FGF12: variants seen among roughly 807,000 people sequenced by gnomAD.
The protein encoded by FGF12 is fibroblast growth factor 12.
Under a neutral mutation model 23.6 loss-of-function variants are expected in FGF12, and 14 were observed. The ratio of observed to expected loss-of-function variants is 0.59; its 90% CI spans 0.39 to 0.93. The LOEUF (loss-of-function observed/expected upper bound fraction) is 0.93, where lower values mean the gene tolerates loss of function less well. Among genes scored for constraint, FGF12 ranks in the 40% least tolerant of loss-of-function variants. The pLI, the probability that FGF12 is intolerant of heterozygous loss-of-function variation, is 0.00. For missense variants in FGF12, 175 were observed against 217.8 expected, an observed-to-expected ratio of 0.80 and a Z score of 1.24; for synonymous variants, 62 against 77.3, an observed-to-expected ratio of 0.80 and a Z score of 1.04.
chr3:192,499,932 A>G lies in FGF12; in HGVS notation c.14-139394T>C, dbSNP rs544747246. On this transcript the variant is annotated intron_variant, in intron 2 of 5. Coordinates refer to ENST00000445105, the MANE Select transcript of FGF12 (RefSeq NM_004113.6). ...GCTCTGTAACCTTCATTAGAAAGTT[A>G]CAACCCAGGTATTATTTTATTCTTC... Among the ~76,000 whole-genome samples the G allele has an allele frequency of 5.9e-5, 9 of 152,270 alleles. No homozygotes were observed. The South Asian group carries it at 1.5e-3, about 25-fold the overall frequency.
At chr3:192,518,150 T>G (rs757674959) in intron 2 of FGF12, among the ~76,000 whole-genome samples, 5 of 152,198 alleles carry the variant, frequency 3.3e-5, no homozygotes, top group African/African-American at 4.8e-5. Context: ...TACCCAAATT[T>G]TAAATTATGT....
chr3:192,386,600 G>A (rs991325293), intron 2 of FGF12, among the ~76,000 whole-genome samples: 2 of 152,118 alleles, frequency 1.3e-5, no homozygotes, highest in African/African-American at 4.8e-5. Flanking sequence ...GAGTATGAAA[G>A]TTAAAGGAAG....
intron 4 of FGF12, among the ~76,000 whole-genome samples, chr3:192,197,942 T>A (rs1257872168): frequency 1.4e-4 from 4 of 29,470 alleles, no homozygotes; most frequent in Admixed American, 4.7e-4. Context: ...GCGAAATTCC[T>A]CCTCAAAAAA....
intron 2 of FGF12, among the ~76,000 whole-genome samples, chr3:192,559,804 G>A (rs1257628051): frequency 6.7e-6 from 1 of 149,350 alleles, no homozygotes; most frequent in African/African-American, 2.5e-5. Flanking sequence ...ATTTTACTGG[G>A]AACCTAAAAC....
At chr3:192,492,339 A>G (rs1336984825) in intron 2 of FGF12, among the ~76,000 whole-genome samples, 1 of 151,920 alleles carries the variant, frequency 6.6e-6, no homozygotes, top group Non-Finnish European at 1.5e-5. Context: ...TATTTCCTCC[A>G]CCCTTATGGA....
chr3:192,476,484 T>G (rs1312884753), intron 2 of FGF12, among the ~76,000 whole-genome samples: 1 of 152,210 alleles, frequency 6.6e-6, no homozygotes, highest in African/African-American at 2.4e-5. Flanking sequence ...GATAAATAAT[T>G]AATGAATGAA....
intron 4 of FGF12, among the ~76,000 whole-genome samples, chr3:192,263,016 C>A (rs1712857555): frequency 1.3e-5 from 2 of 152,004 alleles, no homozygotes; most frequent in African/African-American, 2.4e-5. Context: ...ATTTTACTTA[C>A]AAGCCTTTTC....
chr3:192,623,009 C>T (rs1340464609), intron 2 of FGF12, among the ~76,000 whole-genome samples: 1 of 152,200 alleles, frequency 6.6e-6, no homozygotes, highest in Admixed American at 6.5e-5. Context: ...ATCTCCCTTC[C>T]TTTCCCCTCT....
intron 2 of FGF12, among the ~76,000 whole-genome samples, chr3:192,473,763 C>T (rs1021049962): frequency 2.0e-5 from 3 of 152,196 alleles, no homozygotes; most frequent in Non-Finnish European, 2.9e-5. Context: ...TATGCACTGG[C>T]CGTGTGACCA....
At chr3:192,688,543 G>T (rs1189837945) in intron 2 of FGF12, among the ~76,000 whole-genome samples, 2 of 152,156 alleles carry the variant, frequency 1.3e-5, no homozygotes. Flanking sequence ...TTAAAGAATT[G>T]GACATTGTCT....
At chr3:192,496,095 G>T (rs1385876439) in intron 2 of FGF12, among the ~76,000 whole-genome samples, 1 of 152,192 alleles carries the variant, frequency 6.6e-6, no homozygotes, top group Non-Finnish European at 1.5e-5. Flanking sequence ...ACCATTAGCA[G>T]CCTCTAGTCA....
intron 4 of FGF12, among the ~76,000 whole-genome samples, chr3:192,295,891 TA>T (rs112489816): frequency 4.0e-4 from 61 of 151,876 alleles, no homozygotes; most frequent in African/African-American, 1.3e-3. Context: ...AATTTTATTT[TA>T]TTTTTTTTGA....
At chr3:192,144,674 C>CA (rs1713593845) in intron 5 of FGF12, among the ~76,000 whole-genome samples, 1 of 152,148 alleles carries the variant, frequency 6.6e-6, no homozygotes, top group African/African-American at 2.4e-5. Flanking sequence ...AAGTAAGAAA[C>CA]ACAGTCCGTG....
intron 4 of FGF12, among the ~76,000 whole-genome samples, chr3:192,290,550 G>C (rs1245491002): frequency 6.6e-6 from 1 of 152,102 alleles, no homozygotes; most frequent in Non-Finnish European, 1.5e-5. Flanking sequence ...CAGCCCTGTG[G>C]TGTGCCATTT....
At chr3:192,260,384 T>C (rs1052604514) in intron 4 of FGF12, among the ~76,000 whole-genome samples, 4 of 152,216 alleles carry the variant, frequency 2.6e-5, no homozygotes, top group African/African-American at 9.6e-5. Flanking sequence ...CTAATAGTGT[T>C]TATTCAGTGG....
At chr3:192,282,460 C>T (rs1714202249) in intron 4 of FGF12, among the ~76,000 whole-genome samples, 1 of 152,092 alleles carries the variant, frequency 6.6e-6, no homozygotes, top group South Asian at 2.1e-4. Context: ...GCCGTCCCTC[C>T]ATACTCCCAC....
chr3:192,366,591 G>A (rs1311192183), intron 2 of FGF12, among the ~76,000 whole-genome samples: 1 of 152,100 alleles, frequency 6.6e-6, no homozygotes, highest in East Asian at 1.9e-4. Flanking sequence ...TGAGATTCAA[G>A]GAAGCTGCAC....
chr3:192,243,168 A>G (rs1719710139), intron 4 of FGF12, among the ~76,000 whole-genome samples: 1 of 152,086 alleles, frequency 6.6e-6, no homozygotes, highest in Non-Finnish European at 1.5e-5. Flanking sequence ...CCTTAAATAT[A>G]TCTATAAATA....
chr3:192,364,805 G>C (rs548147937), intron 2 of FGF12, among the ~76,000 whole-genome samples: 1 of 152,208 alleles, frequency 6.6e-6, no homozygotes, highest in African/African-American at 2.4e-5. Flanking sequence ...GTGCATAATG[G>C]GCTTTGGACT....
Sources: allele counts gnomAD v4.1 joint callset (sites outside exome capture counted in the v4.1 genomes callset), GRCh38; gene constraint gnomAD v4.1.1; transcripts MANE v1.5; gene names NCBI Gene and HGNC (gene_info 2026-07-23, HGNC 2026-07-21).